Variants in ULK1 observed in about 807,000 individuals in gnomAD.
ULK1 encodes serine/threonine-protein kinase ULK1.
Under a neutral mutation model 117.5 loss-of-function variants are expected in ULK1, and 48 were observed. That is an observed-to-expected ratio of 0.41 (90% CI 0.32 to 0.52). The LOEUF is 0.52. ULK1 is among the 20% of genes least tolerant of loss of function. ULK1 has a pLI of 0.29. For synonymous variants in ULK1, 790 were observed against 637.8 expected (o/e 1.24, Z -3.60); for missense variants, 1,387 against 1,473.4 (o/e 0.94, Z 0.96).
rs755286976 is a variant in ULK1 at position 131,906,599 on chromosome 12, C to T, written c.247-293C>T. On this transcript the variant is annotated intron_variant, in intron 3 of 27. Coordinates refer to ENST00000321867, the MANE Select transcript of ULK1 (RefSeq NM_003565.4). ...AGGGTCACACACACCTGCCCACACA[C>T]CTGGCCTTCACCCTTCCTGCTAGGG... The T allele has an allele frequency of 1.2e-5, 6 of 489,074 alleles. No individual in the cohort carries two copies. In the South Asian group the frequency reaches 1.3e-4, roughly 11 times the overall value. 30.3% of individuals were successfully genotyped at this position (489,074 alleles called of 1,614,324 possible).
At chr12:131,898,386 GTC>G (rs1252400787) in intron 3 of ULK1, 1 of 152,218 alleles carries the variant, frequency 6.6e-6, no homozygotes, top group Non-Finnish European at 1.5e-5. Context: ...AATGCCACTG[GTC>G]TCTCAGCCTG....
At chr12:131,917,637 T>C in intron 22 of ULK1, 83 bp downstream of exon 22, 1 of 1,264,066 alleles carries the variant, frequency 7.9e-7, no homozygotes. Flanking sequence ...TTAACTCGGG[T>C]CACTGGACTA....
At chr12:131,909,682 G>T (rs117438228) in intron 8 of ULK1, 93 bp from the exon 9 acceptor site, 18,480 of 1,330,978 alleles carry the variant, frequency 0.014, 646 homozygotes, top group South Asian at 0.087. Context: ...AGCGTCTGGG[G>T]CAGGGGCCGA....
chr12:131,919,392 C>T lies in ULK1; in HGVS notation c.2684+8C>T. On this transcript the variant is annotated splice_region_variant and intron_variant, in intron 24 of 27. Coordinates refer to ENST00000321867, the MANE Select transcript of ULK1 (RefSeq NM_003565.4). ...GCTGAGCCGAGAATGGGGGTGGGTG[C>T]CGCCAGGGCTGGGGTGGGGCGGGTG... 1.3e-6 allele frequency: 2 copies of T among 1,549,416 alleles called. No individual in the cohort carries two copies. The highest frequency in any genetic ancestry group is 1.7e-6 in the Non-Finnish European group (2 of 1,145,816).
rs748808112 is a variant in ULK1, at chr12:131,918,646, G to C, written c.2476G>C (p.Glu826Gln). Residue 826 changes from glutamate (E) to glutamine (Q), a missense_variant, in exon 23 of 28, where the codon GAG (glutamate) becomes CAG (glutamine). Physicochemically the swap from Glu to Gln is conservative, Grantham distance 29 (BLOSUM62 2). Coordinates refer to ENST00000321867, the MANE Select transcript of ULK1 (RefSeq NM_003565.4). ...GAACCTGGAGGGGGCTGTGACCTTC[G>C]AGGCCCCCGACCTCCCTGAGGAGAC... ...TANLEGAVTF[E>Q]APDLPEETLM... is the part of the protein sequence containing the mutation. The C allele has an allele frequency of 6.2e-7, 1 of 1,608,790 alleles. No individual in the cohort carries two copies. Among genetic ancestry groups the C allele is most frequent in the Non-Finnish European group, 8.5e-7 (1 of 1,178,266 alleles).
chr12:131,898,939 C>T (rs1224560398), intron 3 of ULK1, among the ~76,000 whole-genome samples: 15 of 151,380 alleles, frequency 9.9e-5, no homozygotes, highest in East Asian at 5.9e-4. Context: ...AGTGCAGTGG[C>T]GCGATCTTGG....
chr12:131,915,007 T>TCC (rs1421733884), intron 16 of ULK1, 76 bp from the exon 17 acceptor site: 1 of 1,498,102 alleles, frequency 6.7e-7, no homozygotes, highest in African/African-American at 1.4e-5. Flanking sequence ...ACCTGCCTTG[T>TCC]CCCCAGGTCC....
chr12:131,903,122 G>T lies in ULK1; in HGVS notation c.247-3770G>T, dbSNP rs959230069. On this transcript the variant is annotated intron_variant, in intron 3 of 27. Coordinates refer to ENST00000321867, the MANE Select transcript of ULK1 (RefSeq NM_003565.4). This position sits in a 1 kb window ranked among gnomAD's most constrained non-coding sequence, Gnocchi z 6.0. ...TAGAGAGAGTCGCTGCCTGTGGGAA[G>T]GGTGGACAGGCCCAGCTGGGGGCCC... 2.2e-4 allele frequency among the ~76,000 whole-genome samples: 34 copies of T among 152,286 alleles called. No individual in the cohort carries two copies. Among genetic ancestry groups the T allele is most frequent in the African/African-American group, 7.9e-4 (33 of 41,562 alleles).
intron 19 of ULK1, 80 bp downstream of exon 19, chr12:131,916,239 G>T (rs911377648): frequency 1.3e-6 from 2 of 1,553,638 alleles, no homozygotes; most frequent in Admixed American, 2.0e-5. Context: ...AACAAAGACC[G>T]AGGAAGGCAG....
chr12:131,919,564 T>C lies in ULK1; in HGVS notation c.2777T>C (p.Leu926Pro), dbSNP rs1489104643. 1 of 1,611,966 alleles carries C rather than the reference T, an allele frequency of 6.2e-7. No homozygotes were observed. The highest frequency in any genetic ancestry group is 1.7e-5 in the Admixed American group (1 of 59,990). Residue 926 changes from leucine to proline, a missense_variant, in exon 25 of 28, where the codon CTC (leucine) becomes CCC (proline). This residue lies in a region of ULK1 where 900 missense variants were observed against 858.9 expected (regional missense o/e 1.05). Coordinates refer to ENST00000321867, the MANE Select transcript of ULK1 (RefSeq NM_003565.4). ...SAIDQIRAGKLCLSSTVKQVV... is the reference protein window; with the variant it reads ...SAIDQIRAGKPCLSSTVKQVV... ...ATCGACCAGATCCGGGCCGGCAAGC[T>C]CTGCCTGTCGTCCACTGTGAAGCAG...
rs943530011 is a variant in ULK1, at chr12:131,903,189, G to A, written c.247-3703G>A. 1.3e-5 allele frequency among the ~76,000 whole-genome samples: 2 copies of A among 152,162 alleles called. No homozygotes were observed. Among genetic ancestry groups the A allele is most frequent in the African/African-American group, 4.8e-5 (2 of 41,450 alleles). On this transcript the variant is annotated intron_variant, in intron 3 of 27. Transcript: ENST00000321867. The surrounding 1 kb of genome is among the most constrained non-coding windows in gnomAD (Gnocchi z 6.0). Reference sequence around the variant, plus strand: ...TGGCGCAGGGCCTGGGCCTGCAGCTGCCCTGGAGGAGCTCCCCCAGCCCTG... The same window carrying A: ...TGGCGCAGGGCCTGGGCCTGCAGCTACCCTGGAGGAGCTCCCCCAGCCCTG...
rs746471386 is a variant in ULK1 at position 131,921,867 on chromosome 12, C to G, written c.*506C>G. 1.1e-5 allele frequency: 5 copies of G among 459,394 alleles called. No homozygotes were observed. Among genetic ancestry groups the G allele is most frequent in the Non-Finnish European group, 2.2e-5 (5 of 229,118 alleles). 28.5% of individuals were successfully genotyped at this position (459,394 alleles called of 1,614,324 possible). On this transcript the variant is annotated 3_prime_UTR_variant, in exon 28 of 28. Transcript: ENST00000321867. ...TATGCATATAGAGACAGAACCTGGACCTCACCAGGGACTGCTGGGCAGCGA... is the reference window on the plus strand; with the variant it reads ...TATGCATATAGAGACAGAACCTGGAGCTCACCAGGGACTGCTGGGCAGCGA...
intron 8 of ULK1, 98 bp downstream of exon 8, chr12:131,909,335 G>T: frequency 7.4e-7 from 1 of 1,350,258 alleles, no homozygotes; most frequent in Non-Finnish European, 9.9e-7. Flanking sequence ...CGCGCCCCAC[G>T]AGCTCCCCTC....
chr12:131,921,263 G>T, intron 27 of ULK1, 28 bp downstream of exon 27: 3 of 1,608,172 alleles, frequency 1.9e-6, no homozygotes, highest in Non-Finnish European at 2.5e-6. Context: ...CTGGGGGCTG[G>T]GGACTCTGGG....
intron 20 of ULK1, 78 bp downstream of exon 20, chr12:131,916,669 T>C (rs924438491): frequency 7.1e-7 from 1 of 1,412,596 alleles, no homozygotes; most frequent in Non-Finnish European, 9.3e-7. Flanking sequence ...TGGGTACTTC[T>C]GGGGGGTAGA....
Position 131,917,234 on chromosome 12 carries a change from GGGGTCGGGTTC to G in ULK1, c.2183-174_2183-164del, listed in dbSNP as rs1257570485. ...GGATGGGGCTCGAGGCTGTGGGACGGGGGTCGGGTTCGGCTCGGAGGCTGTGGGACGGGGGT... is the reference window on the plus strand; with the variant it reads ...GGATGGGGCTCGAGGCTGTGGGACGGGGCTCGGAGGCTGTGGGACGGGGGT... On this transcript the variant is annotated intron_variant, in intron 21 of 27. Coordinates refer to ENST00000321867, the MANE Select transcript of ULK1 (RefSeq NM_003565.4). Among the ~76,000 whole-genome samples, 37 of 119,482 alleles carry G rather than the reference GGGGTCGGGTTC, an allele frequency of 3.1e-4. 6 individuals carry two copies. Among genetic ancestry groups the G allele is most frequent in the Admixed American group, 1.7e-3 (18 of 10,590 alleles). The allele number at this position is 119,482 out of a possible 152,430, so 78.4% of individuals were successfully genotyped here.
rs1050303719 is a variant in ULK1, at chr12:131,903,184, C to T, written c.247-3708C>T. 6.6e-6 allele frequency among the ~76,000 whole-genome samples: 1 copy of T among 152,182 alleles called. No individual in the cohort carries two copies. Among genetic ancestry groups the T allele is most frequent in the African/African-American group, 2.4e-5 (1 of 41,446 alleles). On this transcript the variant is annotated intron_variant, in intron 3 of 27. Transcript: ENST00000321867. The surrounding 1 kb of genome is among the most constrained non-coding windows in gnomAD (Gnocchi z 6.0). The stretch of plus-strand genomic sequence containing the variant: ...TGTTGTGGCGCAGGGCCTGGGCCTG[C>T]AGCTGCCCTGGAGGAGCTCCCCCAG...
intron 26 of ULK1, 168 bp from the exon 27 acceptor site, chr12:131,920,932 C>T: frequency 2.0e-6 from 2 of 976,880 alleles, no homozygotes; most frequent in Admixed American, 2.9e-5. Flanking sequence ...CCCCTTGGCC[C>T]TGTGACCATC....
chr12:131,914,989 CT>C (rs1338825978), intron 16 of ULK1, 93 bp from the exon 17 acceptor site: 6 of 1,482,688 alleles, frequency 4.0e-6, no homozygotes, highest in South Asian at 1.4e-5. Context: ...GGGGCCTCCC[CT>C]CCTAATACCT....
Sources: allele counts gnomAD v4.1 joint callset (sites outside exome capture counted in the v4.1 genomes callset), GRCh38; gene constraint gnomAD v4.1.1; regional missense constraint gnomAD v4.1.1; non-coding constraint Gnocchi (gnomAD v3.1); transcripts MANE v1.5; gene names NCBI Gene and HGNC (gene_info 2026-07-23, HGNC 2026-07-21).